The following C1orf21 variants were observed in gnomAD, a reference collection of about 807,000 sequenced individuals.
C1orf21 encodes uncharacterized protein C1orf21.
In C1orf21, 3 loss-of-function variants were observed where a neutral mutation model predicts 18.7. The observed-to-expected ratio is 0.16, with a 90% CI of 0.07 to 0.42. The LOEUF (loss-of-function observed/expected upper bound fraction) is 0.42, where lower values mean the gene tolerates loss of function less well. Ranked by LOEUF, C1orf21 falls within the 10% of genes least tolerant of loss-of-function variation. C1orf21 has a pLI of 0.99. For missense variants in C1orf21, 104 were observed against 143.6 expected (o/e 0.72, Z 1.41); for synonymous variants, 41 against 46.4 (o/e 0.88, Z 0.47).
At chr1:184,568,213 T>C (rs1659061039) in intron 3 of C1orf21, among the ~76,000 whole-genome samples, 1 of 152,240 alleles carries the variant, frequency 6.6e-6, no homozygotes, top group Non-Finnish European at 1.5e-5. Flanking sequence ...AAAATTGTGG[T>C]AAAATATACA....
chr1:184,389,218 C>A (rs1025669962), intron 1 of C1orf21, among the ~76,000 whole-genome samples: 1 of 151,418 alleles, frequency 6.6e-6, no homozygotes, highest in Non-Finnish European at 1.5e-5. Flanking sequence ...AAGACCAGTG[C>A]GCTCAGCTCT....
chr1:184,564,677 TGA>T (rs1483572891), intron 3 of C1orf21, among the ~76,000 whole-genome samples: 1 of 152,160 alleles, frequency 6.6e-6, no homozygotes, highest in Non-Finnish European at 1.5e-5. Flanking sequence ...ATTGGAAAGC[TGA>T]GAGAGTGAAG....
rs977422465 is a variant in C1orf21 at position 184,626,617 on chromosome 1, A to G, written c.*7061A>G. The G allele has an allele frequency of 6.6e-6, 1 of 152,394 alleles. No individual in the cohort carries two copies. The highest frequency in any genetic ancestry group is 1.5e-5 in the Non-Finnish European group (1 of 68,216). The allele number at this position is 152,394 out of a possible 1,614,324, so 9.4% of individuals were successfully genotyped here. A position where few individuals can be genotyped will look rare whatever the true frequency, so the allele number is the denominator to read the frequency against. On this transcript the variant is annotated 3_prime_UTR_variant, in exon 6 of 6. Coordinates refer to ENST00000235307, the MANE Select transcript of C1orf21 (RefSeq NM_030806.4). ...GCAGCCCACTGCTGAGGTCCTCCAGACAGGTAAGGTGTGGTCACAATCAGG... is the reference window on the plus strand; with the variant it reads ...GCAGCCCACTGCTGAGGTCCTCCAGGCAGGTAAGGTGTGGTCACAATCAGG...
chr1:184,589,566 C>T (rs1053460828), intron 3 of C1orf21, among the ~76,000 whole-genome samples: 2 of 152,160 alleles, frequency 1.3e-5, no homozygotes, highest in Non-Finnish European at 2.9e-5. Flanking sequence ...TATGTTTTAT[C>T]CTTCTTAAAT....
chr1:184,499,225 C>T (rs1657936848), intron 2 of C1orf21, among the ~76,000 whole-genome samples: 3 of 152,030 alleles, frequency 2.0e-5, no homozygotes, highest in Admixed American at 2.0e-4. Context: ...TATTGCTTGG[C>T]CTTAATGCTA....
intron 1 of C1orf21, among the ~76,000 whole-genome samples, chr1:184,465,096 A>G (rs1657370081): frequency 6.6e-6 from 1 of 152,074 alleles, no homozygotes; most frequent in Non-Finnish European, 1.5e-5. Flanking sequence ...AAAATTAGGA[A>G]CCTTGACCTT....
chr1:184,490,364 G>T (rs556654661), intron 2 of C1orf21, among the ~76,000 whole-genome samples: 3 of 152,314 alleles, frequency 2.0e-5, no homozygotes, highest in South Asian at 4.1e-4. Context: ...CCAAGGAGTG[G>T]GGGAAGACTT....
chr1:184,618,937 C>T (rs191965666), intron 5 of C1orf21, among the ~76,000 whole-genome samples: 3 of 152,306 alleles, frequency 2.0e-5, no homozygotes, highest in Admixed American at 6.5e-5. Flanking sequence ...TGTACATAGT[C>T]CTTAGAGCTT....
intron 2 of C1orf21, among the ~76,000 whole-genome samples, chr1:184,505,324 T>TATATATATATATATAA (rs1658038916): frequency 7.6e-6 from 1 of 130,724 alleles, no homozygotes; most frequent in Non-Finnish European, 1.5e-5. Context: ...TATATATATA[T>TATATATATATATATAA]ATATATATAT....
intron 1 of C1orf21, among the ~76,000 whole-genome samples, chr1:184,398,611 A>G (rs909496644): frequency 6.6e-6 from 1 of 152,212 alleles, no homozygotes; most frequent in Non-Finnish European, 1.5e-5. Flanking sequence ...TACATCATAG[A>G]GTGTACTTAC....
At chr1:184,611,117 G>A (rs76581022) in intron 5 of C1orf21, among the ~76,000 whole-genome samples, 63 of 152,228 alleles carry the variant, frequency 4.1e-4, no homozygotes, top group African/African-American at 1.5e-3. Context: ...ACAATAACAC[G>A]TGAGTCTAAT....
At chr1:184,518,955 G>A (rs553934456) in intron 3 of C1orf21, among the ~76,000 whole-genome samples, 3 of 152,158 alleles carry the variant, frequency 2.0e-5, no homozygotes, top group East Asian at 1.9e-4. Flanking sequence ...GCATGGAGAC[G>A]TGGCATGAAT....
At chr1:184,435,402 G>A (rs2101972609) in intron 1 of C1orf21, among the ~76,000 whole-genome samples, 1 of 152,282 alleles carries the variant, frequency 6.6e-6, no homozygotes, top group African/African-American at 2.4e-5. Flanking sequence ...GGAGTGCAGT[G>A]GCATAGTCTC....
intron 2 of C1orf21, among the ~76,000 whole-genome samples, chr1:184,494,149 C>A (rs1025873154): frequency 6.6e-6 from 1 of 152,150 alleles, no homozygotes; most frequent in Admixed American, 6.5e-5. Context: ...CAGAGAAGGT[C>A]TATCTGAGGA....
chr1:184,547,028 A>C (rs758431820), intron 3 of C1orf21, among the ~76,000 whole-genome samples: 4 of 152,252 alleles, frequency 2.6e-5, no homozygotes, highest in Non-Finnish European at 4.4e-5. Flanking sequence ...GTAACTAAAA[A>C]ATGGGAGAAG....
intron 3 of C1orf21, among the ~76,000 whole-genome samples, chr1:184,550,132 T>C: frequency 6.6e-6 from 1 of 152,222 alleles, no homozygotes; most frequent in Non-Finnish European, 1.5e-5. Context: ...TTGGGGTTGT[T>C]ATAGATATTT....
At chr1:184,473,282 C>T (rs1202516526) in intron 1 of C1orf21, among the ~76,000 whole-genome samples, 2 of 152,180 alleles carry the variant, frequency 1.3e-5, no homozygotes, top group African/African-American at 2.4e-5. Flanking sequence ...TCAGAAATAA[C>T]ATGCTGGTAA....
At chr1:184,460,410 G>A (rs1657283561) in intron 1 of C1orf21, among the ~76,000 whole-genome samples, 1 of 152,142 alleles carries the variant, frequency 6.6e-6, no homozygotes, top group Admixed American at 6.5e-5. Flanking sequence ...AAGTACTAAG[G>A]CTGGAGATGT....
At chr1:184,574,209 C>T (rs763895195) in intron 3 of C1orf21, among the ~76,000 whole-genome samples, 1 of 151,318 alleles carries the variant, frequency 6.6e-6, no homozygotes, top group African/African-American at 2.4e-5. Flanking sequence ...TGTCTCAAAA[C>T]GAAACAAAAA....
Sources: gnomAD v4.1 joint callset for allele counts (sites outside exome capture counted in the v4.1 genomes callset) on GRCh38, gnomAD v4.1.1 for gene constraint, MANE v1.5 for transcripts, NCBI Gene and HGNC (gene_info 2026-07-23, HGNC 2026-07-21) for gene names.